Variants in ACSL1 observed in about 807,000 individuals in gnomAD.
The protein encoded by ACSL1 is acyl-CoA synthetase long chain family member 1.
ACSL1 carries 41 observed loss-of-function variants against 98.4 expected under a neutral mutation model. That is an observed-to-expected ratio of 0.42 (90% confidence interval 0.32 to 0.54). The LOEUF is 0.54. ACSL1 is among the 20% of genes least tolerant of loss of function. ACSL1 has a pLI of 0.13. For missense variants in ACSL1, 734 were observed against 883.1 expected (o/e 0.83, Z 2.14); for synonymous variants, 316 against 322.7 (o/e 0.98, Z 0.22).
chr4:184,809,022 CT>C lies in ACSL1; in HGVS notation c.-32-5477del, dbSNP rs373623104. 1.1e-3 allele frequency among the ~76,000 whole-genome samples: 165 copies of C among 152,310 alleles called. 2 individuals are homozygous for C. The highest frequency in any genetic ancestry group is 3.8e-3 in the African/African-American group (158 of 41,562). The stretch of plus-strand genomic sequence containing the variant: ...GGAGTCAGTTATTCCCACCCACTGC[CT>C]TGTGGCTTTTTCTTCCCAATTAAGT... On this transcript the variant is annotated intron_variant, in intron 1 of 20. Coordinates refer to ENST00000281455, the MANE Select transcript of ACSL1 (RefSeq NM_001995.5).
At chr4:184,776,229 G>A (rs1190117740) in intron 7 of ACSL1, among the ~76,000 whole-genome samples, 1 of 152,246 alleles carries the variant, frequency 6.6e-6, no homozygotes, top group Non-Finnish European at 1.5e-5. Flanking sequence ...TCCGGGCACA[G>A]CTTGTCAGTG....
chr4:184,766,984 C>T lies in ACSL1; in HGVS notation c.1129-228G>A, dbSNP rs561034508. On this transcript the variant is annotated intron_variant, in intron 12 of 20. Coordinates refer to ENST00000281455, the MANE Select transcript of ACSL1 (RefSeq NM_001995.5). This position sits in a 1 kb window ranked among gnomAD's most constrained non-coding sequence, Gnocchi z 4.8. ...GACACATACATCCCCAAATGCCCAT[C>T]GAGTAGGAATGTGTAGGCCAGGTGC... Among the ~76,000 whole-genome samples, 16 of 152,228 alleles carry T rather than the reference C, an allele frequency of 1.1e-4. No individual in the cohort carries two copies. The highest frequency in any genetic ancestry group is 2.2e-4 in the African/African-American group (9 of 41,542).
At chr4:184,785,298 AGAATT>A (rs2150364175) in intron 3 of ACSL1, among the ~76,000 whole-genome samples, 1 of 152,346 alleles carries the variant, frequency 6.6e-6, no homozygotes, top group East Asian at 1.9e-4. Context: ...CCCAGGCTCT[AGAATT>A]TTTTATTCAG....
chr4:184,757,328 G>A lies in ACSL1; in HGVS notation c.1957-63C>T, dbSNP rs576085105. On this transcript the variant is annotated intron_variant, in intron 20 of 20. Coordinates refer to ENST00000281455, the MANE Select transcript of ACSL1 (RefSeq NM_001995.5). The surrounding 1 kb of genome is among the most constrained non-coding windows in gnomAD (Gnocchi z 4.5). Reference sequence around the variant, plus strand: ...CACGGGCCACCAGTCTCAAAAGCACGTAAGCCTTGGAGGGGATCAACACTC... The same window carrying A: ...CACGGGCCACCAGTCTCAAAAGCACATAAGCCTTGGAGGGGATCAACACTC... 38 of 1,543,332 alleles carry A rather than the reference G, an allele frequency of 2.5e-5. No homozygotes were observed. The East Asian group carries it at 2.5e-4, about 10-fold the overall frequency.
chr4:184,803,655 C>T lies in ACSL1; in HGVS notation c.-32-109G>A. On this transcript the variant is annotated intron_variant, in intron 1 of 20. Coordinates refer to ENST00000281455, the MANE Select transcript of ACSL1 (RefSeq NM_001995.5). The surrounding 1 kb of genome is among the most constrained non-coding windows in gnomAD (Gnocchi z 4.8). ...TAATTGGGTAGCTGCTCGGCCAGTC[C>T]AGGCATTAAACCCACAATCTAATGA... 1.6e-6 allele frequency: 1 copy of T among 631,926 alleles called. No individual in the cohort carries two copies. The highest frequency in any genetic ancestry group is 2.4e-6 in the Non-Finnish European group (1 of 421,460). 39.1% of individuals were successfully genotyped at this position (631,926 alleles called of 1,614,324 possible).
At chr4:184,798,918 A>C (rs1280109316) in intron 2 of ACSL1, 1 of 152,312 alleles carries the variant, frequency 6.6e-6, no homozygotes, top group African/African-American at 2.4e-5. Flanking sequence ...AAAGGTTCTC[A>C]TCTATATTCA....
rs577760021 is a variant in ACSL1 at position 184,764,516 on chromosome 4, C to T, written c.1432+337G>A. ...GTTGTTTAAAATGACCAGCAAATAA[C>T]GAGACCCTACTCAATTACTAGGAAG... On this transcript the variant is annotated intron_variant, in intron 15 of 20. Coordinates refer to ENST00000281455, the MANE Select transcript of ACSL1 (RefSeq NM_001995.5). Among the ~76,000 whole-genome samples the T allele has an allele frequency of 3.3e-5, 5 of 152,260 alleles. No individual in the cohort carries two copies. In the South Asian group the frequency reaches 1.0e-3, roughly 32 times the overall value.
chr4:184,821,058 G>A (rs1020211172), intron 1 of ACSL1: 3 of 456,164 alleles, frequency 6.6e-6, no homozygotes, highest in South Asian at 1.5e-5. Context: ...GATAGCAGCA[G>A]GACCTACCTT....
chr4:184,775,545 C>T (rs1765152190), intron 7 of ACSL1, among the ~76,000 whole-genome samples: 1 of 152,090 alleles, frequency 6.6e-6, no homozygotes. Flanking sequence ...CCCGGGTCAG[C>T]ACTTGCGGAA....
At chr4:184,777,615 ATAAAT>A (rs1765511094) in intron 5 of ACSL1, among the ~76,000 whole-genome samples, 1 of 152,102 alleles carries the variant, frequency 6.6e-6, no homozygotes, top group South Asian at 2.1e-4. Flanking sequence ...AGAAAGAAAG[ATAAAT>A]TAAAATCCGC....
intron 7 of ACSL1, among the ~76,000 whole-genome samples, chr4:184,775,864 G>GGA (rs1765211457): frequency 6.6e-6 from 1 of 152,126 alleles, no homozygotes; most frequent in Non-Finnish European, 1.5e-5. Context: ...CATGTTCCTT[G>GGA]GATGGAACTC....
chr4:184,767,169 C>A (rs1763737972), intron 12 of ACSL1, among the ~76,000 whole-genome samples: 1 of 151,566 alleles, frequency 6.6e-6, no homozygotes, highest in Non-Finnish European at 1.5e-5. Context: ...GCGGTCCCAG[C>A]TACTCAGGAG....
chr4:184,770,185 T>C (rs1358300020), intron 11 of ACSL1: 3 of 1,324,476 alleles, frequency 2.3e-6, no homozygotes, highest in African/African-American at 3.0e-5. Context: ...TCAAATAATC[T>C]GCACCATTTC....
At chr4:184,818,638 G>A (rs1772817523) in intron 1 of ACSL1, among the ~76,000 whole-genome samples, 1 of 152,150 alleles carries the variant, frequency 6.6e-6, no homozygotes, top group African/African-American at 2.4e-5. Flanking sequence ...TAGCGGTAAG[G>A]CCCTGTATTA....
chr4:184,773,852 C>T lies in ACSL1; in HGVS notation c.780G>A (p.Arg260=), dbSNP rs761436434. 6.2e-7 allele frequency: 1 copy of T among 1,613,912 alleles called. No individual in the cohort carries two copies. Among genetic ancestry groups the T allele is most frequent in the South Asian group, 1.1e-5 (1 of 91,072 alleles). The part of the protein sequence containing the change: ...AMEDLGRANR[R]KPKPPAPEDL... ...GACACGGTGTGCTTACCTTGGGCTTCCGTCTGTTGGCTCTTCCCAGGTCCT... is the reference window on the plus strand; with the variant it reads ...GACACGGTGTGCTTACCTTGGGCTTTCGTCTGTTGGCTCTTCCCAGGTCCT... The change falls in exon 8 of 21, where the codon CGG becomes CGA. Residue 260 remains arginine (R), a synonymous_variant. Coordinates refer to ENST00000281455, the MANE Select transcript of ACSL1 (RefSeq NM_001995.5). The surrounding 1 kb of genome is among the most constrained non-coding windows in gnomAD (Gnocchi z 4.3).
intron 1 of ACSL1, among the ~76,000 whole-genome samples, chr4:184,817,098 A>G: frequency 6.6e-6 from 1 of 152,114 alleles, no homozygotes; most frequent in East Asian, 1.9e-4. Context: ...GACAAAACAT[A>G]CTCTGGAGTT....
At chr4:184,784,223 G>A (rs1579895554) in intron 3 of ACSL1, among the ~76,000 whole-genome samples, 1 of 152,244 alleles carries the variant, frequency 6.6e-6, no homozygotes, top group Non-Finnish European at 1.5e-5. Context: ...GGGGGACAGA[G>A]GGGAGAAAAG....
At position 184,766,833 on chromosome 4, in the gene ACSL1, C is replaced by G; in HGVS notation, c.1129-77G>C. 6.7e-7 allele frequency: 1 copy of G among 1,481,822 alleles called. No individual in the cohort carries two copies. The highest frequency in any genetic ancestry group is 9.2e-7 in the Non-Finnish European group (1 of 1,091,532). The allele number at this position is 1,481,822 out of a possible 1,614,324, so 91.8% of individuals were successfully genotyped here. A position where few individuals can be genotyped will look rare whatever the true frequency, so the allele number is the denominator to read the frequency against. The stretch of plus-strand genomic sequence containing the variant: ...TCAAAGAGTGTGGAGAAATCAGAAC[C>G]CTCACACACAGCTGGGGAACACAAA... On this transcript the variant is annotated intron_variant, in intron 12 of 20. Transcript: ENST00000281455. This position sits in a 1 kb window ranked among gnomAD's most constrained non-coding sequence, Gnocchi z 4.8.
chr4:184,802,510 A>G (rs1286963177), intron 2 of ACSL1, among the ~76,000 whole-genome samples: 1 of 149,946 alleles, frequency 6.7e-6, no homozygotes, highest in Non-Finnish European at 1.5e-5. Flanking sequence ...AAGCGACCAC[A>G]GAGAAAACCA....
Sources: gnomAD v4.1 joint callset for allele counts (sites outside exome capture counted in the v4.1 genomes callset) on GRCh38, gnomAD v4.1.1 for gene constraint, Gnocchi (gnomAD v3.1) non-coding constraint, MANE v1.5 for transcripts, NCBI Gene and HGNC (gene_info 2026-07-23, HGNC 2026-07-21) for gene names.